Variants in PPARGC1A observed in about 807,000 individuals in gnomAD.
The protein encoded by PPARGC1A is peroxisome proliferator-activated receptor gamma coactivator 1-alpha.
In PPARGC1A, 25 loss-of-function variants were observed where a neutral mutation model predicts 88.7. The ratio of observed to expected loss-of-function variants is 0.28; its 90% CI spans 0.21 to 0.39. The LOEUF is 0.39. Ranked by LOEUF, PPARGC1A falls within the 10% of genes least tolerant of loss-of-function variation. The pLI, the probability that PPARGC1A is intolerant of heterozygous loss-of-function variation, is 1.00. For missense variants in PPARGC1A, 880 were observed against 968.7 expected (o/e 0.91, Z 1.22); for synonymous variants, 363 against 355.6 (o/e 1.02, Z -0.24).
chr4:24,200,183 T>C, the PPARGC1A span, among the ~76,000 whole-genome samples: 17 of 152,256 alleles, frequency 1.1e-4, no homozygotes, highest in Admixed American at 2.0e-4. Flanking sequence ...TACCACTATG[T>C]CAATTTGAAA....
the PPARGC1A span, among the ~76,000 whole-genome samples, chr4:24,240,274 G>A: frequency 1.3e-5 from 2 of 152,114 alleles, no homozygotes; most frequent in Non-Finnish European, 2.9e-5. Context: ...AGGAAGTTCT[G>A]GGTGTCAGGT....
the PPARGC1A span, among the ~76,000 whole-genome samples, chr4:23,911,181 A>C: frequency 6.6e-6 from 1 of 152,126 alleles, no homozygotes; most frequent in Admixed American, 6.6e-5. Context: ...AAAGTGGAGA[A>C]GGAGAAGCAG....
At chr4:23,917,372 CT>C in the PPARGC1A span, among the ~76,000 whole-genome samples, 4 of 126,152 alleles carry the variant, frequency 3.2e-5, no homozygotes, top group Admixed American at 7.8e-5. Context: ...TGTTTTCTTT[CT>C]TTCTTTTTTT....
the PPARGC1A span, among the ~76,000 whole-genome samples, chr4:24,033,824 G>A: frequency 1.3e-5 from 2 of 152,220 alleles, no homozygotes; most frequent in African/African-American, 4.8e-5. Flanking sequence ...GGCTGGAAGA[G>A]AGGCGGGCTG....
the PPARGC1A span, among the ~76,000 whole-genome samples, chr4:24,194,666 ACACCC>A: frequency 6.1e-5 from 1 of 16,388 alleles, no homozygotes; most frequent in Non-Finnish European, 1.9e-4. Context: ...ACACACACAC[ACACCC>A]CCATCAAGAA....
chr4:24,167,999 C>T, the PPARGC1A span, among the ~76,000 whole-genome samples: 1 of 152,144 alleles, frequency 6.6e-6, no homozygotes, highest in Non-Finnish European at 1.5e-5. Flanking sequence ...AAGCAGTCTG[C>T]CTGCCTTGGC....
At chr4:23,971,437 G>A in the PPARGC1A span, among the ~76,000 whole-genome samples, 2 of 152,074 alleles carry the variant, frequency 1.3e-5, no homozygotes, top group Admixed American at 6.6e-5. Flanking sequence ...AATATATAAC[G>A]GGGAGTTTAT....
At chr4:23,911,913 A>T in the PPARGC1A span, among the ~76,000 whole-genome samples, 3 of 152,172 alleles carry the variant, frequency 2.0e-5, no homozygotes, top group African/African-American at 7.2e-5. Context: ...ACTGAAACTA[A>T]AAAGCACCTG....
the PPARGC1A span, among the ~76,000 whole-genome samples, chr4:24,278,099 C>T: frequency 2.0e-5 from 3 of 151,778 alleles, no homozygotes; most frequent in Admixed American, 6.6e-5. Context: ...CCCAGGAGTT[C>T]GAAGCTGCCA....
the PPARGC1A span, among the ~76,000 whole-genome samples, chr4:24,297,214 G>A: frequency 1.3e-5 from 2 of 152,112 alleles, no homozygotes; most frequent in Non-Finnish European, 1.5e-5. Flanking sequence ...CATGAGGTAG[G>A]CATCACAACC....
chr4:23,977,898 T>A, the PPARGC1A span, among the ~76,000 whole-genome samples: 1 of 152,242 alleles, frequency 6.6e-6, no homozygotes, highest in African/African-American at 2.4e-5. Context: ...AGCCACCTGA[T>A]AAATTTGCAT....
chr4:24,266,391 T>C, the PPARGC1A span, among the ~76,000 whole-genome samples: 1 of 152,170 alleles, frequency 6.6e-6, no homozygotes, highest in Admixed American at 6.5e-5. Flanking sequence ...AGTAACCCTC[T>C]GAACCCCAGG....
At chr4:24,341,056 G>A in the PPARGC1A span, among the ~76,000 whole-genome samples, 2 of 151,920 alleles carry the variant, frequency 1.3e-5, no homozygotes, top group East Asian at 1.9e-4. Context: ...TGTGCAATCC[G>A]TGCTATTACA....
At chr4:24,295,562 T>C in the PPARGC1A span, among the ~76,000 whole-genome samples, 1 of 151,910 alleles carries the variant, frequency 6.6e-6, no homozygotes. Flanking sequence ...CTAATCTTTA[T>C]TAGCAAGATT....
At chr4:24,373,161 G>A in the PPARGC1A span, among the ~76,000 whole-genome samples, 3 of 152,202 alleles carry the variant, frequency 2.0e-5, no homozygotes, top group South Asian at 2.1e-4. Context: ...GGACTCCTGC[G>A]GCGTGAGCAG....
chr4:24,313,911 T>G, the PPARGC1A span, among the ~76,000 whole-genome samples: 1 of 152,230 alleles, frequency 6.6e-6, no homozygotes, highest in Non-Finnish European at 1.5e-5. Flanking sequence ...TAATAAAATA[T>G]GTTCATGCAA....
chr4:24,211,886 C>T, the PPARGC1A span, among the ~76,000 whole-genome samples: 164 of 152,298 alleles, frequency 1.1e-3, no homozygotes, highest in African/African-American at 2.6e-3. Flanking sequence ...TCTACCTCCA[C>T]GATGCTATTT....
At chr4:24,218,920 C>A in the PPARGC1A span, among the ~76,000 whole-genome samples, 1 of 152,176 alleles carries the variant, frequency 6.6e-6, no homozygotes, top group Non-Finnish European at 1.5e-5. Flanking sequence ...ATTCATGCCC[C>A]AATGTCCTTG....
chr4:24,416,335 C>T, the PPARGC1A span, among the ~76,000 whole-genome samples: 1 of 144,430 alleles, frequency 6.9e-6, no homozygotes, highest in Non-Finnish European at 1.5e-5. Flanking sequence ...TCAATCAAAG[C>T]AGTGACCTCA....
Sources: gnomAD v4.1 joint callset for allele counts (sites outside exome capture counted in the v4.1 genomes callset) on GRCh38, gnomAD v4.1.1 for gene constraint, MANE v1.5 for transcripts, NCBI Gene and HGNC (gene_info 2026-07-23, HGNC 2026-07-21) for gene names.